Variants in XNDC1N observed in about 807,000 individuals in gnomAD.
XNDC1N encodes XRCC1 N-terminal domain containing 1, N-terminal like.
the XNDC1N span, chr11:71,917,690 T>C: frequency 1.0e-5 from 7 of 703,280 alleles, no homozygotes; most frequent in Non-Finnish European, 1.8e-5. Context: ...ATTAGCGTGG[T>C]TGCAGGGAGC....
the XNDC1N span, among the ~76,000 whole-genome samples, chr11:71,883,862 C>G: frequency 6.6e-6 from 1 of 152,294 alleles, no homozygotes; most frequent in Middle Eastern, 3.4e-3. Flanking sequence ...AGACTCAACT[C>G]CTTCTGACCC....
At chr11:71,927,190 T>C in the XNDC1N span, among the ~76,000 whole-genome samples, 1 of 151,642 alleles carries the variant, frequency 6.6e-6, no homozygotes, top group Non-Finnish European at 1.5e-5. Flanking sequence ...GAGACTACAG[T>C]GAGCAGTTAT....
chr11:71,872,061 T>C, the XNDC1N span, among the ~76,000 whole-genome samples: 24 of 152,320 alleles, frequency 1.6e-4, no homozygotes, highest in African/African-American at 5.5e-4. Context: ...ACTATATCTA[T>C]ACGGAGAAAT....
the XNDC1N span, among the ~76,000 whole-genome samples, chr11:71,886,603 G>C: frequency 1.4e-4 from 21 of 152,262 alleles, no homozygotes; most frequent in African/African-American, 5.1e-4. Flanking sequence ...GAGGCCTATC[G>C]TATGTATACT....
the XNDC1N span, chr11:71,923,235 T>C: frequency 1.1e-5 from 8 of 698,254 alleles, no homozygotes; most frequent in East Asian, 2.7e-5. Flanking sequence ...TTCCTGAAAG[T>C]GGAGCCAAGA....
chr11:71,883,472 G>A, the XNDC1N span, among the ~76,000 whole-genome samples: 2 of 152,232 alleles, frequency 1.3e-5, no homozygotes, highest in South Asian at 2.1e-4. Context: ...ACAAACATGC[G>A]AAGAATATAT....
At chr11:71,873,571 G>A in the XNDC1N span, among the ~76,000 whole-genome samples, 1 of 152,146 alleles carries the variant, frequency 6.6e-6, no homozygotes, top group Admixed American at 6.6e-5. Context: ...ATGAAATAGG[G>A]GGACAGAGTT....
chr11:71,903,366 G>T, the XNDC1N span: 2 of 1,465,024 alleles, frequency 1.4e-6, no homozygotes, highest in Non-Finnish European at 1.9e-6. Context: ...CACACCCCAT[G>T]TACTTCTTCC....
At chr11:71,871,150 T>C in the XNDC1N span, among the ~76,000 whole-genome samples, 3 of 152,264 alleles carry the variant, frequency 2.0e-5, no homozygotes, top group Non-Finnish European at 4.4e-5. Context: ...AACAGATAAA[T>C]GGATAAAGAA....
chr11:71,917,129 TCAGCCTCCC>T, the XNDC1N span: 68 of 324,088 alleles, frequency 2.1e-4, 1 homozygote, highest in Admixed American at 2.8e-3. Flanking sequence ...TTCTGCCGCC[TCAGCCTCCC>T]CAGTAGCTGG....
the XNDC1N span, among the ~76,000 whole-genome samples, chr11:71,879,110 A>G: frequency 6.6e-6 from 1 of 152,210 alleles, no homozygotes; most frequent in Non-Finnish European, 1.5e-5. Flanking sequence ...AAAAATGAAA[A>G]GCGAATGAAG....
the XNDC1N span, chr11:71,916,573 A>G: frequency 3.8e-6 from 1 of 264,404 alleles, no homozygotes; most frequent in Non-Finnish European, 7.4e-6. Flanking sequence ...TTACCTGCAG[A>G]GTAAGGACCC....
the XNDC1N span, chr11:71,923,360 C>T: frequency 1.4e-6 from 1 of 702,920 alleles, no homozygotes; most frequent in Middle Eastern, 2.3e-4. Flanking sequence ...CCATGGTGGG[C>T]CCAGCAGCTG....
the XNDC1N span, among the ~76,000 whole-genome samples, chr11:71,878,880 G>A: frequency 1.3e-5 from 2 of 152,038 alleles, no homozygotes; most frequent in African/African-American, 2.4e-5. Flanking sequence ...CGTGCCTGTG[G>A]TTCTGGCTGC....
chr11:71,914,283 G>A, the XNDC1N span: 1 of 456,164 alleles, frequency 2.2e-6, no homozygotes, highest in Admixed American at 2.3e-5. Flanking sequence ...TTCATGGGAG[G>A]AGGTCACAGC....
At chr11:71,879,126 A>C in the XNDC1N span, among the ~76,000 whole-genome samples, 1 of 152,194 alleles carries the variant, frequency 6.6e-6, no homozygotes, top group African/African-American at 2.4e-5. Context: ...TGAAGACTAG[A>C]AGAAGGGCTA....
chr11:71,903,439 A>T, the XNDC1N span: 1 of 1,015,530 alleles, frequency 9.8e-7, no homozygotes, highest in South Asian at 1.3e-5. Flanking sequence ...ATGATTGTGG[A>T]CATCCAGTCT....
At chr11:71,873,205 T>C in the XNDC1N span, among the ~76,000 whole-genome samples, 4 of 152,178 alleles carry the variant, frequency 2.6e-5, no homozygotes, top group Admixed American at 2.6e-4. Flanking sequence ...AGTTGAGCAG[T>C]ATGCTGCTTT....
At chr11:71,913,640 C>T in the XNDC1N span, among the ~76,000 whole-genome samples, 1 of 122,622 alleles carries the variant, frequency 8.2e-6, no homozygotes, top group African/African-American at 3.2e-5. Context: ...GCCTGGGTGA[C>T]AGAGCAAGAC....
Sources: allele counts gnomAD v4.1 joint callset (sites outside exome capture counted in the v4.1 genomes callset), GRCh38; gene constraint gnomAD v4.1.1; transcripts MANE v1.5; gene names NCBI Gene and HGNC (gene_info 2026-07-23, HGNC 2026-07-21).